The following ZNF827 variants were observed in gnomAD, a reference collection of about 807,000 sequenced individuals.
ZNF827 encodes zinc finger protein 827.
A neutral mutation model predicts 102.4 loss-of-function variants in ZNF827; 13 were observed. The observed-to-expected ratio is 0.13, with a 90% CI of 0.08 to 0.20. The LOEUF (loss-of-function observed/expected upper bound fraction) is 0.20, where lower values mean the gene tolerates loss of function less well. ZNF827 is among the 10% of genes least tolerant of loss of function. The pLI is 1.00. For synonymous variants in ZNF827, 523 were observed against 536.2 expected, an observed-to-expected ratio of 0.98 and a Z score of 0.34; for missense variants, 1,103 against 1,344.4, an observed-to-expected ratio of 0.82 and a Z score of 2.81.
At chr4:145,931,223 G>A (rs1561091288) in intron 1 of ZNF827, among the ~76,000 whole-genome samples, 1 of 152,178 alleles carries the variant, frequency 6.6e-6, no homozygotes, top group African/African-American at 2.4e-5. Flanking sequence ...TATAAAATAT[G>A]ATAGAAGACA....
chr4:145,933,440 C>T (rs1362609417), intron 1 of ZNF827, among the ~76,000 whole-genome samples: 1 of 152,196 alleles, frequency 6.6e-6, no homozygotes, highest in African/African-American at 2.4e-5. Context: ...AGAGTTCAAT[C>T]TTTCTTTCTC....
chr4:145,764,370 G>A (rs898397392), intron 13 of ZNF827, among the ~76,000 whole-genome samples: 5 of 152,170 alleles, frequency 3.3e-5, no homozygotes, highest in Admixed American at 2.0e-4. Context: ...CACACAGTAC[G>A]TTTGATATTA....
At chr4:145,807,929 C>T (rs956029874) in intron 8 of ZNF827, among the ~76,000 whole-genome samples, 3 of 151,836 alleles carry the variant, frequency 2.0e-5, no homozygotes, top group Admixed American at 1.3e-4. Context: ...GGGAGATAGA[C>T]CAGAGTGCTT....
intron 2 of ZNF827, among the ~76,000 whole-genome samples, chr4:145,896,269 G>C (rs544059619): frequency 1.3e-5 from 2 of 152,222 alleles, no homozygotes; most frequent in South Asian, 4.2e-4. Flanking sequence ...TAAATACACG[G>C]TTCAGAGCTT....
At chr4:145,929,130 T>C (rs1398091513) in intron 1 of ZNF827, among the ~76,000 whole-genome samples, 2 of 152,246 alleles carry the variant, frequency 1.3e-5, no homozygotes, top group African/African-American at 2.4e-5. Flanking sequence ...ACCTACGATA[T>C]GATCTCTCTT....
intron 6 of ZNF827, among the ~76,000 whole-genome samples, chr4:145,846,986 T>C (rs1746035877): frequency 6.8e-6 from 1 of 147,950 alleles, no homozygotes; most frequent in African/African-American, 2.5e-5. Context: ...AAAACCCGTC[T>C]CTACTAAAAA....
chr4:145,764,849 G>A (rs766197992), intron 13 of ZNF827, 139 bp downstream of exon 13: 11 of 1,124,448 alleles, frequency 9.8e-6, no homozygotes, highest in East Asian at 2.4e-5. Context: ...AAGGCAGCAG[G>A]GGTTCCTGAC....
intron 8 of ZNF827, among the ~76,000 whole-genome samples, chr4:145,790,967 C>T (rs1739594813): frequency 6.6e-6 from 1 of 152,138 alleles, no homozygotes; most frequent in South Asian, 2.1e-4. Flanking sequence ...TCCAGAAATC[C>T]TACCTATTTG....
At chr4:145,839,562 T>C (rs1473211410) in intron 7 of ZNF827, 1 of 152,244 alleles carries the variant, frequency 6.6e-6, no homozygotes, top group African/African-American at 2.4e-5. Flanking sequence ...GCCCACTGCA[T>C]CATGCAAGAG....
chr4:145,818,808 T>A (rs1046851446), intron 8 of ZNF827, among the ~76,000 whole-genome samples: 8 of 152,200 alleles, frequency 5.3e-5, no homozygotes, highest in Non-Finnish European at 1.0e-4. Context: ...TGAGAGCTAG[T>A]TGCAGGTGGC....
intron 4 of ZNF827, among the ~76,000 whole-genome samples, chr4:145,871,733 G>C (rs1748702816): frequency 6.6e-6 from 1 of 152,188 alleles, no homozygotes; most frequent in South Asian, 2.1e-4. Context: ...CCTACTCCAA[G>C]CCAATACTCA....
intron 4 of ZNF827, among the ~76,000 whole-genome samples, chr4:145,878,403 G>A (rs1308746727): frequency 1.3e-5 from 2 of 152,074 alleles, no homozygotes; most frequent in Admixed American, 6.6e-5. Context: ...TGGAGAGATA[G>A]TTACTGAGCA....
chr4:145,781,232 A>G (rs1349420839), intron 8 of ZNF827, among the ~76,000 whole-genome samples: 4 of 150,350 alleles, frequency 2.7e-5, no homozygotes, highest in African/African-American at 7.3e-5. Context: ...AAAAAAGAAA[A>G]AAAAAAAAAG....
intron 2 of ZNF827, among the ~76,000 whole-genome samples, chr4:145,893,999 T>C (rs567928759): frequency 2.0e-5 from 3 of 152,168 alleles, no homozygotes; most frequent in South Asian, 2.1e-4. Context: ...ATAAAACCAT[T>C]GTAAAAGGAC....
chr4:145,868,361 T>TC (rs1748393719), intron 5 of ZNF827, among the ~76,000 whole-genome samples: 1 of 151,904 alleles, frequency 6.6e-6, no homozygotes, highest in Non-Finnish European at 1.5e-5. Context: ...TTTGAGGATT[T>TC]TTTTTCAGGG....
At chr4:145,934,313 CTGTATA>C (rs762429001) in intron 1 of ZNF827, among the ~76,000 whole-genome samples, 1 of 152,168 alleles carries the variant, frequency 6.6e-6, no homozygotes. Flanking sequence ...CCATCTTTTT[CTGTATA>C]TGTATAAGGC....
intron 8 of ZNF827, among the ~76,000 whole-genome samples, chr4:145,780,765 G>C (rs2126984093): frequency 6.6e-6 from 1 of 152,302 alleles, no homozygotes; most frequent in African/African-American, 2.4e-5. Context: ...CAAGACAAAT[G>C]ACACACTAAG....
intron 7 of ZNF827, among the ~76,000 whole-genome samples, chr4:145,840,807 C>T (rs562454779): frequency 1.1e-4 from 17 of 152,310 alleles, no homozygotes; most frequent in Non-Finnish European, 2.1e-4. Context: ...TATTTAAGGA[C>T]ACGCATCCGA....
At chr4:145,916,687 C>A (rs1333106673) in intron 1 of ZNF827, among the ~76,000 whole-genome samples, 1 of 152,164 alleles carries the variant, frequency 6.6e-6, no homozygotes, top group Non-Finnish European at 1.5e-5. Context: ...GGCTGAGAAT[C>A]CTTCAAATTC....
Sources: allele counts gnomAD v4.1 joint callset (sites outside exome capture counted in the v4.1 genomes callset), GRCh38; gene constraint gnomAD v4.1.1; transcripts MANE v1.5; gene names NCBI Gene and HGNC (gene_info 2026-07-23, HGNC 2026-07-21).